SNX13: variants seen among roughly 807,000 people sequenced by gnomAD.
SNX13 encodes sorting nexin 13, also known as sorting nexin-13.
Under a neutral mutation model 133.6 loss-of-function variants are expected in SNX13, and 45 were observed. The observed-to-expected ratio is 0.34, with a 90% CI of 0.27 to 0.43. The LOEUF is 0.43. Ranked by LOEUF, SNX13 falls within the 20% of genes least tolerant of loss-of-function variation. The probability of loss-of-function intolerance (pLI) is 1.00; values close to 1 mark genes in which losing one functional copy is unlikely to be tolerated. For missense variants in SNX13, 1,032 were observed against 1,145.1 expected, an observed-to-expected ratio of 0.90 and a Z score of 1.43; for synonymous variants, 414 against 373.9, an observed-to-expected ratio of 1.11 and a Z score of -1.24.
chr7:17,827,835 C>T (rs1386059780), intron 16 of SNX13, among the ~76,000 whole-genome samples: 1 of 151,782 alleles, frequency 6.6e-6, no homozygotes, highest in East Asian at 1.9e-4. Flanking sequence ...AATAGCACAA[C>T]CTTTACTTCA....
At chr7:17,844,785 G>C (rs1790300669) in intron 12 of SNX13, among the ~76,000 whole-genome samples, 1 of 150,138 alleles carries the variant, frequency 6.7e-6, no homozygotes. Flanking sequence ...ACAACAGAAT[G>C]AAGGATAAAC....
intron 9 of SNX13, among the ~76,000 whole-genome samples, chr7:17,858,481 G>A (rs145886652): frequency 4.3e-4 from 65 of 152,056 alleles, no homozygotes; most frequent in Non-Finnish European, 8.0e-4. Flanking sequence ...ACAATGCTGA[G>A]AGAAACTACA....
intron 5 of SNX13, among the ~76,000 whole-genome samples, chr7:17,885,367 A>G (rs987153163): frequency 6.6e-6 from 1 of 152,112 alleles, no homozygotes; most frequent in African/African-American, 2.4e-5. Context: ...GTGACTGACA[A>G]TGGATATAAG....
intron 25 of SNX13, chr7:17,794,511 T>C (rs1311153445): frequency 1.1e-5 from 6 of 531,904 alleles, no homozygotes; most frequent in Non-Finnish European, 2.0e-5. Flanking sequence ...GGAGACAATA[T>C]AGCACAGGTG....
intron 1 of SNX13, among the ~76,000 whole-genome samples, chr7:17,917,787 G>A (rs867797169): frequency 2.0e-5 from 3 of 152,084 alleles, no homozygotes; most frequent in African/African-American, 4.8e-5. Flanking sequence ...CACAGAGTTA[G>A]AAGAAACTAT....
intron 15 of SNX13, chr7:17,830,733 A>G: frequency 1.0e-6 from 1 of 976,972 alleles, no homozygotes; most frequent in African/African-American, 1.8e-5. Context: ...TAAATCTAAG[A>G]AAATTAAGTT....
intron 2 of SNX13, among the ~76,000 whole-genome samples, chr7:17,896,467 C>T (rs1216679947): frequency 6.6e-6 from 1 of 152,114 alleles, no homozygotes; most frequent in Non-Finnish European, 1.5e-5. Context: ...GTGTCCTATA[C>T]AGTTTCTCAA....
At chr7:17,900,885 C>G (rs926900611) in intron 1 of SNX13, among the ~76,000 whole-genome samples, 2 of 152,064 alleles carry the variant, frequency 1.3e-5, no homozygotes, top group African/African-American at 4.8e-5. Context: ...AAGAAGTCCC[C>G]CCGCATAGTT....
chr7:17,805,211 T>TTGTGTGTGTG (rs55946438), intron 20 of SNX13, among the ~76,000 whole-genome samples: 4,756 of 118,122 alleles, frequency 0.04, 129 homozygotes, highest in Admixed American at 0.053. Context: ...TAATGATTCT[T>TTGTGTGTGTG]TGTGTGTGTG....
chr7:17,845,033 A>G (rs927084837), intron 12 of SNX13, among the ~76,000 whole-genome samples: 16 of 152,166 alleles, frequency 1.1e-4, no homozygotes, highest in African/African-American at 2.7e-4. Flanking sequence ...GGAACAAGAC[A>G]AAGATGCCTG....
chr7:17,860,059 C>T (rs1483541788), intron 9 of SNX13, among the ~76,000 whole-genome samples: 1 of 152,130 alleles, frequency 6.6e-6, no homozygotes, highest in Non-Finnish European at 1.5e-5. Context: ...TGAGAAGAAC[C>T]TCCAAACTGT....
intron 5 of SNX13, among the ~76,000 whole-genome samples, chr7:17,886,652 AG>A (rs1474935071): frequency 6.6e-6 from 1 of 152,066 alleles, no homozygotes; most frequent in African/African-American, 2.4e-5. Context: ...ACAATGATGG[AG>A]GGATTTACCA....
intron 15 of SNX13, chr7:17,831,629 A>C (rs1788499660): frequency 1.0e-6 from 1 of 984,062 alleles, no homozygotes; most frequent in Non-Finnish European, 1.2e-6. Flanking sequence ...TTTTAGGCTC[A>C]AATGTAGACT....
chr7:17,800,422 T>G (rs1202817283), intron 22 of SNX13, among the ~76,000 whole-genome samples: 1 of 151,708 alleles, frequency 6.6e-6, no homozygotes, highest in African/African-American at 2.4e-5. Context: ...AACAGTACAG[T>G]GGGGAAAAGA....
At position 17,940,394 on chromosome 7, in the gene SNX13, C is replaced by A. The variant is rs1188284318; in HGVS notation, c.-99G>T. 7.3e-7 allele frequency: 1 copy of A among 1,378,042 alleles called. No individual in the cohort carries two copies. The allele number at this position is 1,378,042 out of a possible 1,614,324, so 85.4% of individuals were successfully genotyped here. On this transcript the variant is annotated 5_prime_UTR_variant, in exon 1 of 26. Coordinates refer to ENST00000428135, the MANE Select transcript of SNX13 (RefSeq NM_015132.5). The stretch of plus-strand genomic sequence containing the variant: ...CTCGGGCCGCCGCCAACGGCGGCAA[C>A]TGCTCCTTCAGTCTTCTCCCGGGCG...
intron 9 of SNX13, among the ~76,000 whole-genome samples, chr7:17,855,609 T>G (rs7787382): frequency 0.037 from 5,631 of 152,254 alleles, 346 homozygotes; most frequent in African/African-American, 0.13. Context: ...CAAGAAAGCC[T>G]GAATAATAGC....
intron 1 of SNX13, among the ~76,000 whole-genome samples, chr7:17,901,006 G>A (rs1374834953): frequency 2.0e-5 from 3 of 152,146 alleles, no homozygotes; most frequent in Non-Finnish European, 4.4e-5. Context: ...ATTATTCAGG[G>A]ACCAAGGGCT....
intron 18 of SNX13, among the ~76,000 whole-genome samples, chr7:17,821,066 G>A (rs1653951311): frequency 6.6e-6 from 1 of 151,962 alleles, no homozygotes; most frequent in African/African-American, 2.4e-5. Flanking sequence ...TTTGAGTAAT[G>A]GATCAAGGAT....
chr7:17,804,636 A>T (rs1044791226), intron 20 of SNX13, among the ~76,000 whole-genome samples: 1 of 152,016 alleles, frequency 6.6e-6, no homozygotes, highest in African/African-American at 2.4e-5. Flanking sequence ...AAGAAACCAA[A>T]CTAGAGATGC....
Sources: gnomAD v4.1 joint callset for allele counts (sites outside exome capture counted in the v4.1 genomes callset) on GRCh38, gnomAD v4.1.1 for gene constraint, MANE v1.5 for transcripts, NCBI Gene and HGNC (gene_info 2026-07-23, HGNC 2026-07-21) for gene names.